The following DNAJC6 variants were observed in gnomAD, a reference collection of about 807,000 sequenced individuals.
DNAJC6 encodes the protein DnaJ heat shock protein family (Hsp40) member C6.
Under a neutral mutation model 110.0 loss-of-function variants are expected in DNAJC6, and 34 were observed. The ratio of observed to expected loss-of-function variants is 0.31; its 90% confidence interval spans 0.24 to 0.41. The LOEUF is 0.41. Among genes scored for constraint, DNAJC6 ranks in the 10% least tolerant of loss-of-function variants. The pLI is 1.00. For missense variants in DNAJC6, 1,031 were observed against 1,207.8 expected, an observed-to-expected ratio of 0.85 and a Z score of 2.17; for synonymous variants, 406 against 437.2, an observed-to-expected ratio of 0.93 and a Z score of 0.89.
intron 4 of DNAJC6, among the ~76,000 whole-genome samples, chr1:65,367,282 G>A (rs1357288176): frequency 2.6e-5 from 4 of 152,096 alleles, no homozygotes; most frequent in Non-Finnish European, 5.9e-5. Context: ...ATGTTGCTGC[G>A]GGGACCACTC....
At position 65,292,782 on chromosome 1, in the gene DNAJC6, C is replaced by G. The variant is rs1298505384; in HGVS notation, c.-131+27850C>G. ...ATTATTTTACACTGTGTTGAGATAA[C>G]CACCCCCAAAATTAGTGGCTTAAGA... is the stretch of plus-strand genomic sequence containing the variant. On this transcript the variant is annotated intron_variant, in intron 1 of 19. Coordinates refer to the DNAJC6 transcript ENST00000263441. 2.6e-5 allele frequency among the ~76,000 whole-genome samples: 4 copies of G among 152,176 alleles called. 1 individual carries two copies. The South Asian group carries it at 8.3e-4, about 32-fold the overall frequency.
upstream of DNAJC6, among the ~76,000 whole-genome samples, chr1:65,306,236 A>G (rs1335456958): frequency 6.6e-6 from 1 of 152,030 alleles, no homozygotes; most frequent in Non-Finnish European, 1.5e-5. Flanking sequence ...TTTAGTAGAT[A>G]CAGGGTTTCA....
At position 65,279,203 on chromosome 1, in the gene DNAJC6, G is replaced by C. The variant is rs141167257; in HGVS notation, c.-131+14271G>C. The C allele has an allele frequency of 8.3e-4, 810 of 977,486 alleles. 7 individuals carry two copies. The East Asian group carries it at 0.029, about 35-fold the overall frequency. The allele number at this position is 977,486 out of a possible 1,614,324, so 60.6% of individuals were successfully genotyped here. On this transcript the variant is annotated intron_variant, in intron 1 of 19. Coordinates refer to the DNAJC6 transcript ENST00000263441. The stretch of plus-strand genomic sequence containing the variant: ...TTAGAATAACATTTCTACAACTTTG[G>C]GGGAGGGGCGGTGATGGTGGCGTGC...
intron 4 of DNAJC6, 68 bp from the exon 5 acceptor site, chr1:65,379,334 G>A (rs1481189870): frequency 1.3e-6 from 2 of 1,589,082 alleles, no homozygotes; most frequent in Admixed American, 3.4e-5. Context: ...ATGTTGGTTG[G>A]TGTGATAACC....
intron 1 of DNAJC6, among the ~76,000 whole-genome samples, chr1:65,302,123 TAA>T (rs59460132): frequency 2.9e-3 from 43 of 15,026 alleles, no homozygotes; most frequent in African/African-American, 0.021. Flanking sequence ...TATATATATA[TAA>T]AAAATATATA....
chr1:65,401,987 C>CA, intron 15 of DNAJC6, 107 bp downstream of exon 15: 1 of 1,453,600 alleles, frequency 6.9e-7, no homozygotes, highest in Non-Finnish European at 9.3e-7. Flanking sequence ...CCTGGAACCT[C>CA]AAATAGTGTG....
chr1:65,353,632 T>C (rs1326057212), intron 1 of DNAJC6, among the ~76,000 whole-genome samples: 1 of 152,232 alleles, frequency 6.6e-6, no homozygotes, highest in African/African-American at 2.4e-5. Context: ...GTCATTACTT[T>C]GTATTTCTCA....
intron 17 of DNAJC6, 68 bp downstream of exon 17, chr1:65,408,851 T>C: frequency 6.4e-7 from 1 of 1,558,320 alleles, no homozygotes; most frequent in Non-Finnish European, 8.7e-7. Flanking sequence ...GTCATGTGTA[T>C]GGAGCTATCG....
chr1:65,396,813 G>A (rs557524468), intron 13 of DNAJC6, among the ~76,000 whole-genome samples: 41 of 152,172 alleles, frequency 2.7e-4, no homozygotes, highest in Non-Finnish European at 4.4e-4. Context: ...AAGAATTACC[G>A]GCACATGGTA....
chr1:65,296,312 C>T (rs1275804020), intron 1 of DNAJC6, among the ~76,000 whole-genome samples: 1 of 152,162 alleles, frequency 6.6e-6, no homozygotes, highest in Non-Finnish European at 1.5e-5. Context: ...GGCTACAAAT[C>T]TGTTTGTCTA....
intron 1 of DNAJC6, among the ~76,000 whole-genome samples, chr1:65,318,228 C>A (rs1381357479): frequency 6.6e-6 from 1 of 152,026 alleles, no homozygotes; most frequent in Non-Finnish European, 1.5e-5. Context: ...ATTTTAATTG[C>A]CTTTAAAAAT....
intron 1 of DNAJC6, among the ~76,000 whole-genome samples, chr1:65,333,663 CTT>C (rs1645308873): frequency 6.6e-6 from 1 of 151,736 alleles, no homozygotes; most frequent in African/African-American, 2.4e-5. Flanking sequence ...AGAACAATGA[CTT>C]AGGATTTTTT....
In DNAJC6 at chr1:65,285,420, A is replaced by G. The variant is rs560353035; in HGVS notation, c.-131+20488A>G. Among the ~76,000 whole-genome samples the G allele has an allele frequency of 1.5e-3, 223 of 152,288 alleles. 2 individuals carry two copies. The highest frequency in any genetic ancestry group is 4.7e-3 in the African/African-American group (197 of 41,564). On this transcript the variant is annotated intron_variant, in intron 1 of 19. Transcript: ENST00000263441. ...GGTCAACTGAAATTTATTCTTTGTC[A>G]AAGACCCTTTCCCACAGTTTATTCC...
At chr1:65,285,181 T>G (rs1279712234) in intron 1 of DNAJC6, among the ~76,000 whole-genome samples, 1 of 152,208 alleles carries the variant, frequency 6.6e-6, no homozygotes, top group Non-Finnish European at 1.5e-5. Context: ...ACAGCAGCAA[T>G]TGCTCTTCTT....
In DNAJC6 at chr1:65,414,387, T is replaced by A. The variant is rs1646153723; in HGVS notation, c.*1362T>A. 6.6e-6 allele frequency: 1 copy of A among 152,638 alleles called. No individual in the cohort carries two copies. The allele number at this position is 152,638 out of a possible 1,614,324, so 9.5% of individuals were successfully genotyped here. Reference sequence around the variant, plus strand: ...TACAATGTGCATTATACATATATATTAAATATATCCACAAAGCAGATGGGC... The same window carrying A: ...TACAATGTGCATTATACATATATATAAAATATATCCACAAAGCAGATGGGC... On this transcript the variant is annotated 3_prime_UTR_variant, in exon 19 of 19. Transcript: ENST00000371069.
chr1:65,331,037 C>T (rs1410534646), intron 1 of DNAJC6, among the ~76,000 whole-genome samples: 1 of 152,184 alleles, frequency 6.6e-6, no homozygotes, highest in Non-Finnish European at 1.5e-5. Context: ...ATCACATGGT[C>T]GTACCTGGCT....
At chr1:65,384,400 A>G (rs1645851184) in intron 6 of DNAJC6, 74 bp downstream of exon 6, 10 of 1,289,814 alleles carry the variant, frequency 7.8e-6, no homozygotes, top group Non-Finnish European at 5.9e-6. Flanking sequence ...AATCTGCCTT[A>G]CAAATCCTTT....
chr1:65,351,181 T>G (rs1026552623), intron 1 of DNAJC6, among the ~76,000 whole-genome samples: 1 of 152,208 alleles, frequency 6.6e-6, no homozygotes, highest in Non-Finnish European at 1.5e-5. Context: ...GGAAAGTGCT[T>G]CCAGGCAAAA....
chr1:65,404,618 T>TAA (rs1646058274), intron 15 of DNAJC6, among the ~76,000 whole-genome samples: 1 of 152,300 alleles, frequency 6.6e-6, no homozygotes, highest in Admixed American at 6.5e-5. Context: ...AGATTGATGG[T>TAA]AAGTCCAGTG....
Sources: allele counts gnomAD v4.1 joint callset (sites outside exome capture counted in the v4.1 genomes callset), GRCh38; gene constraint gnomAD v4.1.1; transcripts MANE v1.5; gene names NCBI Gene and HGNC (gene_info 2026-07-23, HGNC 2026-07-21).